The following NR3C2 variants were observed in gnomAD, a reference collection of about 807,000 sequenced individuals.
NR3C2 encodes mineralocorticoid receptor.
NR3C2 carries 15 observed loss-of-function variants against 86.4 expected under a neutral mutation model. The ratio of observed to expected loss-of-function variants is 0.17; its 90% CI spans 0.12 to 0.27. NR3C2 has a LOEUF of 0.27. Among genes scored for constraint, NR3C2 ranks in the 10% least tolerant of loss-of-function variants. The pLI, the probability that NR3C2 is intolerant of heterozygous loss-of-function variation, is 1.00. For synonymous variants in NR3C2, 458 were observed against 450.5 expected, an observed-to-expected ratio of 1.02 and a Z score of -0.21; for missense variants, 960 against 1,195.6, an observed-to-expected ratio of 0.80 and a Z score of 2.91.
chr4:148,139,775 T>A (rs1187748963), intron 6 of NR3C2, among the ~76,000 whole-genome samples: 1 of 152,152 alleles, frequency 6.6e-6, no homozygotes, highest in Non-Finnish European at 1.5e-5. Flanking sequence ...TCCACTTGTT[T>A]TTTTCAGAAC....
At chr4:148,203,824 G>A (rs949354259) in intron 3 of NR3C2, among the ~76,000 whole-genome samples, 5 of 152,072 alleles carry the variant, frequency 3.3e-5, no homozygotes, top group African/African-American at 1.2e-4. Context: ...ATGATCCCCT[G>A]CTGCTGAGGT....
intron 3 of NR3C2, among the ~76,000 whole-genome samples, chr4:148,231,763 T>C (rs1416555618): frequency 6.6e-6 from 1 of 152,212 alleles, no homozygotes; most frequent in African/African-American, 2.4e-5. Flanking sequence ...CCTTCAAAAC[T>C]GTAGGCAATC....
chr4:148,233,808 C>T lies in NR3C2; in HGVS notation c.1897+26170G>A, dbSNP rs115971382. Among the ~76,000 whole-genome samples, 1,297 of 152,100 alleles carry T rather than the reference C, an allele frequency of 8.5e-3. 17 individuals are homozygous for T. The highest frequency in any genetic ancestry group is 0.03 in the African/African-American group (1,229 of 41,496). On this transcript the variant is annotated intron_variant, in intron 3 of 8. Transcript: ENST00000358102. ...TGGCACCCCAAAGCAATTACAATAG[C>T]AACATCAAAGATCACTGATCACTAT...
intron 2 of NR3C2, among the ~76,000 whole-genome samples, chr4:148,348,176 G>A (rs1745093486): frequency 1.3e-5 from 2 of 152,050 alleles, no homozygotes; most frequent in African/African-American, 4.8e-5. Flanking sequence ...AGAGCAGCCC[G>A]GTCTCAAGTC....
chr4:148,322,963 T>G (rs1229979140), intron 2 of NR3C2, among the ~76,000 whole-genome samples: 1 of 150,060 alleles, frequency 6.7e-6, no homozygotes, highest in Non-Finnish European at 1.5e-5. Context: ...CTCTGCTGTT[T>G]AGAGTTTCCA....
chr4:148,385,429 A>T (rs145827838), intron 2 of NR3C2, among the ~76,000 whole-genome samples: 6 of 152,342 alleles, frequency 3.9e-5, no homozygotes, highest in African/African-American at 1.4e-4. Context: ...TTTATTAGCT[A>T]TAACTTGCTT....
chr4:148,336,802 TTTTTC>T (rs771814178), intron 2 of NR3C2, among the ~76,000 whole-genome samples: 15 of 152,210 alleles, frequency 9.9e-5, no homozygotes, highest in Non-Finnish European at 1.8e-4. Flanking sequence ...TGTTTTTTTC[TTTTTC>T]TTTGAGACAG....
At chr4:148,110,957 A>T (rs957416646) in intron 8 of NR3C2, among the ~76,000 whole-genome samples, 2 of 152,208 alleles carry the variant, frequency 1.3e-5, no homozygotes, top group Admixed American at 6.5e-5. Flanking sequence ...TACAGCCCTG[A>T]AAGCACGACC....
intron 2 of NR3C2, among the ~76,000 whole-genome samples, chr4:148,377,123 A>G (rs897793115): frequency 6.6e-6 from 1 of 152,220 alleles, no homozygotes; most frequent in African/African-American, 2.4e-5. Flanking sequence ...GGGAAGGAAG[A>G]CAAAAGAAAG....
At chr4:148,120,944 A>T (rs975734832) in intron 6 of NR3C2, among the ~76,000 whole-genome samples, 1 of 152,236 alleles carries the variant, frequency 6.6e-6, no homozygotes, top group East Asian at 1.9e-4. Context: ...CCCTCACACC[A>T]CTATCCAAAT....
chr4:148,213,665 C>T (rs1001926198), intron 3 of NR3C2, among the ~76,000 whole-genome samples: 3 of 151,766 alleles, frequency 2.0e-5, no homozygotes, highest in African/African-American at 7.3e-5. Flanking sequence ...CCTAAAAACA[C>T]TCTAAATTAT....
intron 3 of NR3C2, among the ~76,000 whole-genome samples, chr4:148,223,064 A>G (rs549497193): frequency 6.6e-6 from 1 of 152,356 alleles, no homozygotes; most frequent in Non-Finnish European, 1.5e-5. Flanking sequence ...TATAATTCTT[A>G]GAAATAATAT....
chr4:148,253,952 C>G (rs946523465), intron 3 of NR3C2, among the ~76,000 whole-genome samples: 1 of 152,104 alleles, frequency 6.6e-6, no homozygotes, highest in African/African-American at 2.4e-5. Flanking sequence ...CTCAGAGCTG[C>G]CCCTGCTCCA....
chr4:148,193,958 G>A (rs893274384), intron 4 of NR3C2, among the ~76,000 whole-genome samples: 6 of 152,126 alleles, frequency 3.9e-5, no homozygotes, highest in African/African-American at 1.4e-4. Flanking sequence ...GTTTTATTGT[G>A]TGCAAAATTC....
At chr4:148,442,004 A>G (rs1399064322) in intron 1 of NR3C2, among the ~76,000 whole-genome samples, 156 bp downstream of exon 1, 1 of 152,212 alleles carries the variant, frequency 6.6e-6, no homozygotes, top group East Asian at 1.9e-4. Context: ...AAAGGGGGAG[A>G]AAAGTGGAAA....
chr4:148,225,584 T>A (rs570012269), intron 3 of NR3C2, among the ~76,000 whole-genome samples: 1 of 152,292 alleles, frequency 6.6e-6, no homozygotes, highest in East Asian at 1.9e-4. Context: ...CATCTCCTAA[T>A]GAATTACAGA....
intron 3 of NR3C2, among the ~76,000 whole-genome samples, chr4:148,235,262 T>TTTATA (rs1553999667): frequency 7.0e-6 from 1 of 143,720 alleles, no homozygotes; most frequent in Non-Finnish European, 1.5e-5. Flanking sequence ...TAAGTGGCAA[T>TTTATA]TATATATATA....
At chr4:148,427,112 G>C (rs998229873) in intron 2 of NR3C2, among the ~76,000 whole-genome samples, 1 of 151,850 alleles carries the variant, frequency 6.6e-6, no homozygotes, top group African/African-American at 2.4e-5. Context: ...AAATCACCAT[G>C]CCCTGCTAAT....
At chr4:148,175,551 T>G (rs952200447) in intron 4 of NR3C2, among the ~76,000 whole-genome samples, 5 of 152,200 alleles carry the variant, frequency 3.3e-5, no homozygotes, top group Admixed American at 6.5e-5. Flanking sequence ...TGAGTATATA[T>G]AGGATAGAAA....
Sources: allele counts gnomAD v4.1 joint callset (sites outside exome capture counted in the v4.1 genomes callset), GRCh38; gene constraint gnomAD v4.1.1; transcripts MANE v1.5; gene names NCBI Gene and HGNC (gene_info 2026-07-23, HGNC 2026-07-21).